ZNF541: variants seen among roughly 807,000 people sequenced by gnomAD.
ZNF541 encodes zinc finger protein 541.
Under a neutral mutation model 123.5 loss-of-function variants are expected in ZNF541, and 23 were observed. The observed-to-expected ratio is 0.19, with a 90% CI of 0.13 to 0.26. The LOEUF (loss-of-function observed/expected upper bound fraction) is 0.26, where lower values mean the gene tolerates loss of function less well. ZNF541 is among the 10% of genes least tolerant of loss of function. The pLI is 1.00. For synonymous variants in ZNF541, 751 were observed against 754.5 expected, an observed-to-expected ratio of 1.00 and a Z score of 0.08; for missense variants, 1,612 against 1,789.9, an observed-to-expected ratio of 0.90 and a Z score of 1.79.
At chr19:47,548,119 GA>G (rs200430342) in intron 4 of ZNF541, among the ~76,000 whole-genome samples, 3 of 108,848 alleles carry the variant, frequency 2.8e-5, no homozygotes, top group Admixed American at 9.1e-5. Context: ...TTTTAAAAAA[GA>G]AAAAAAAACA....
At chr19:47,540,403 G>GTT (rs201680757) in intron 6 of ZNF541, 68 bp from the exon 7 acceptor site, 6 of 1,249,518 alleles carry the variant, frequency 4.8e-6, no homozygotes, top group African/African-American at 3.2e-5. Flanking sequence ...ATTTTTTGTT[G>GTT]TTTTTTTTTC....
chr19:47,521,538 G>A lies in ZNF541; in HGVS notation c.3828C>T (p.Thr1276=), dbSNP rs752062388. ...TCTCTGCACTTCCCAACAGCTCGGGGGTCCGCTTGGAGCCTGCATTTGGGC... is the reference window on the plus strand; with the variant it reads ...TCTCTGCACTTCCCAACAGCTCGGGAGTCCGCTTGGAGCCTGCATTTGGGC... The part of the protein sequence containing the change: ...SSSPNAGSKR[T]PELLGSAESQ... Residue 1276 remains threonine, a synonymous_variant, in exon 16 of 17, where the codon ACC becomes ACT. Coordinates refer to ENST00000391901, the MANE Select transcript of ZNF541 (RefSeq NM_001277075.3). The surrounding 1 kb of genome is among the most constrained non-coding windows in gnomAD (Gnocchi z 4.2). 3.9e-6 allele frequency: 6 copies of A among 1,551,684 alleles called. No homozygotes were observed. Among genetic ancestry groups the A allele is most frequent in the Non-Finnish European group, 8.7e-7 (1 of 1,146,980 alleles).
intron 3 of ZNF541, among the ~76,000 whole-genome samples, chr19:47,552,729 C>T (rs548793024): frequency 1.4e-4 from 12 of 87,244 alleles, no homozygotes; most frequent in South Asian, 8.9e-4. Context: ...GGCGATAGAG[C>T]GAGACTCCAT....
intron 2 of ZNF541, among the ~76,000 whole-genome samples, chr19:47,560,364 T>C (rs1971009807): frequency 6.6e-6 from 1 of 151,820 alleles, no homozygotes; most frequent in African/African-American, 2.4e-5. Context: ...TCACCTGACA[T>C]CAGGAGTTTG....
intron 13 of ZNF541, 136 bp from the exon 14 acceptor site, chr19:47,529,174 A>G: frequency 1.5e-6 from 1 of 680,694 alleles, no homozygotes; most frequent in Admixed American, 2.8e-5. Context: ...AAAAAACTCA[A>G]AAAGTCTCCA....
chr19:47,528,821 T>C, intron 14 of ZNF541, 129 bp downstream of exon 14: 1 of 662,672 alleles, frequency 1.5e-6, no homozygotes, highest in South Asian at 1.8e-5. Context: ...CATTGTAAAC[T>C]GTCTACAGTA....
intron 12 of ZNF541, 95 bp downstream of exon 12, chr19:47,531,547 C>T (rs1969572772): frequency 2.1e-6 from 2 of 962,314 alleles, no homozygotes; most frequent in Non-Finnish European, 3.0e-6. Flanking sequence ...CTTCCAGCTT[C>T]CATCCGCTCT....
At chr19:47,531,367 TG>T (rs1175746996) in intron 12 of ZNF541, among the ~76,000 whole-genome samples, 1 of 151,850 alleles carries the variant, frequency 6.6e-6, no homozygotes, top group Non-Finnish European at 1.5e-5. Flanking sequence ...GCTGGGTCTT[TG>T]GGGCTTCCCT....
At chr19:47,532,804 T>G (rs935029504) in intron 10 of ZNF541, 105 bp downstream of exon 10, 1 of 1,059,984 alleles carries the variant, frequency 9.4e-7, no homozygotes, top group African/African-American at 1.6e-5. Flanking sequence ...GGAGCCTATG[T>G]GAGTAAACCT....
At chr19:47,535,143 C>T (rs1472668091) in intron 9 of ZNF541, among the ~76,000 whole-genome samples, 1 of 152,070 alleles carries the variant, frequency 6.6e-6, no homozygotes, top group African/African-American at 2.4e-5. Flanking sequence ...TTAGTAGAGA[C>T]GGGATTTCAC....
Position 47,532,137 on chromosome 19 carries a change from G to C in ZNF541, c.3292C>G (p.Gln1098Glu). The change falls in exon 11 of 17, where the codon CAG becomes GAG. Residue 1098 changes from glutamine (Q) to glutamate (E), a missense_variant. Physicochemically the swap from Gln to Glu is conservative, Grantham distance 29. This residue lies in a region of ZNF541 where 285 missense variants were observed against 407.3 expected (regional missense o/e 0.70). Transcript: ENST00000391901. ...WGDMMISSET[Q>E]DRVTELCNVA... Reference sequence around the variant, plus strand: ...CCAAAGCCTCAGCCACCTCTATCCTGTGTCTCTGAGCTGATCATCATATCT... The same window carrying C: ...CCAAAGCCTCAGCCACCTCTATCCTCTGTCTCTGAGCTGATCATCATATCT... 1.3e-6 allele frequency: 2 copies of C among 1,551,714 alleles called. No individual in the cohort carries two copies. The highest frequency in any genetic ancestry group is 3.3e-4 in the Middle Eastern group (2 of 5,984).
At chr19:47,553,036 G>T (rs1204497543) in intron 3 of ZNF541, among the ~76,000 whole-genome samples, 1 of 151,684 alleles carries the variant, frequency 6.6e-6, no homozygotes, top group Non-Finnish European at 1.5e-5. Context: ...CTGAACCCGG[G>T]AGGTGGAGGT....
intron 9 of ZNF541, among the ~76,000 whole-genome samples, chr19:47,535,058 G>A (rs146322899): frequency 8.6e-5 from 13 of 151,670 alleles, no homozygotes; most frequent in Non-Finnish European, 1.2e-4. Context: ...GGGTTCAAGC[G>A]ATTCTCTGTC....
At chr19:47,567,758 T>C (rs1971324474) in intron 2 of ZNF541, among the ~76,000 whole-genome samples, 1 of 152,136 alleles carries the variant, frequency 6.6e-6, no homozygotes, top group South Asian at 2.1e-4. Flanking sequence ...CACTCCCTAT[T>C]CTCTCAGCTC....
At position 47,532,251 on chromosome 19, in the gene ZNF541, G is replaced by A; in HGVS notation, c.3178C>T (p.Arg1060Trp). 1.3e-6 allele frequency: 2 copies of A among 1,551,964 alleles called. No individual in the cohort carries two copies. The highest frequency in any genetic ancestry group is 1.7e-6 in the Non-Finnish European group (2 of 1,147,084). The change falls in exon 11 of 17, where the codon CGG (arginine) becomes TGG (tryptophan). Residue 1060 changes from arginine (R) to tryptophan (W), a missense_variant. By Grantham distance (101) the Arg-to-Trp change is moderately radical. Coordinates refer to ENST00000391901, the MANE Select transcript of ZNF541 (RefSeq NM_001277075.3). ...SIEPHINIGS[R>W]FQAEIPELQE... ...AGTTCCGGGATCTCTGCCTGAAACC[G>A]GCTTCCTATATTGATATGTCTGAAA...
At chr19:47,564,141 T>C (rs575919509) in intron 2 of ZNF541, among the ~76,000 whole-genome samples, 1 of 152,310 alleles carries the variant, frequency 6.6e-6, no homozygotes, top group South Asian at 2.1e-4. Flanking sequence ...TAAACTGAAC[T>C]GTATACTGCA....
Position 47,532,252 on chromosome 19 carries a change from G to T in ZNF541, c.3177C>A (p.Ser1059Arg). 6.4e-7 allele frequency: 1 copy of T among 1,551,970 alleles called. No individual in the cohort carries two copies. The highest frequency in any genetic ancestry group is 8.7e-7 in the Non-Finnish European group (1 of 1,147,074). Residue 1059 changes from serine to arginine, a missense_variant, in exon 11 of 17, where the codon AGC becomes AGA. Coordinates refer to ENST00000391901, the MANE Select transcript of ZNF541 (RefSeq NM_001277075.3). ...GTTCCGGGATCTCTGCCTGAAACCG[G>T]CTTCCTATATTGATATGTCTGAAAT... ...ISIEPHINIG[S>R]RFQAEIPELQ...
chr19:47,568,535 G>T (rs1971354572), intron 2 of ZNF541, among the ~76,000 whole-genome samples: 1 of 150,656 alleles, frequency 6.6e-6, no homozygotes, highest in Non-Finnish European at 1.5e-5. Flanking sequence ...ATAGAGACAG[G>T]GTTTTGCCAT....
intron 2 of ZNF541, among the ~76,000 whole-genome samples, chr19:47,568,704 T>C (rs1971361684): frequency 6.7e-6 from 1 of 150,242 alleles, no homozygotes; most frequent in African/African-American, 2.5e-5. Flanking sequence ...TTGAAGTCTC[T>C]CTCTGTCACT....
Sources: gnomAD v4.1 joint callset for allele counts (sites outside exome capture counted in the v4.1 genomes callset) on GRCh38, gnomAD v4.1.1 for gene constraint, gnomAD v4.1.1 regional missense constraint, Gnocchi (gnomAD v3.1) non-coding constraint, MANE v1.5 for transcripts, NCBI Gene and HGNC (gene_info 2026-07-23, HGNC 2026-07-21) for gene names.